SGCZ: variants seen among roughly 807,000 people sequenced by gnomAD.
The protein encoded by SGCZ is zeta-sarcoglycan.
A neutral mutation model predicts 41.3 loss-of-function variants in SGCZ; 40 were observed. The observed-to-expected ratio is 0.97, with a 90% CI of 0.75 to 1.26. The LOEUF (loss-of-function observed/expected upper bound fraction) is 1.26. Among genes scored for constraint, SGCZ ranks in the 50% most tolerant of loss-of-function variants. The pLI, the probability that SGCZ is intolerant of heterozygous loss-of-function variation, is 0.00. For missense variants in SGCZ, 552 were observed against 369.8 expected, an observed-to-expected ratio of 1.49 and a Z score of -4.04; for synonymous variants, 206 against 137.5, an observed-to-expected ratio of 1.50 and a Z score of -3.49.
At chr8:14,508,101 GT>G (rs1209948071) in intron 2 of SGCZ, among the ~76,000 whole-genome samples, 1 of 152,042 alleles carries the variant, frequency 6.6e-6, no homozygotes, top group Non-Finnish European at 1.5e-5. Context: ...ATCTACCCTG[GT>G]CACTGTATTT....
chr8:14,818,414 G>A (rs1312804676), intron 1 of SGCZ, among the ~76,000 whole-genome samples: 4 of 152,152 alleles, frequency 2.6e-5, no homozygotes, highest in Non-Finnish European at 5.9e-5. Flanking sequence ...ACAGAGGCTA[G>A]CCAGAACCAA....
chr8:15,029,941 G>T (rs995034757), intron 1 of SGCZ, among the ~76,000 whole-genome samples: 3 of 152,104 alleles, frequency 2.0e-5, no homozygotes, highest in Admixed American at 1.3e-4. Flanking sequence ...GTGCCTTTTT[G>T]TTCCATTCAC....
chr8:14,451,324 A>T (rs1254317755), intron 2 of SGCZ, among the ~76,000 whole-genome samples: 1 of 152,194 alleles, frequency 6.6e-6, no homozygotes, highest in African/African-American at 2.4e-5. Flanking sequence ...TTAGAATAGA[A>T]AAGATGCAGT....
At chr8:14,287,059 G>C (rs1563235461) in intron 3 of SGCZ, among the ~76,000 whole-genome samples, 2 of 151,794 alleles carry the variant, frequency 1.3e-5, no homozygotes. Flanking sequence ...TTCTCTAATA[G>C]AGTATTTATG....
At chr8:14,427,088 G>A (rs9657206) in intron 2 of SGCZ, among the ~76,000 whole-genome samples, 9 of 117,710 alleles carry the variant, frequency 7.6e-5, no homozygotes, top group African/African-American at 2.8e-4. Context: ...GAATGAATGA[G>A]TGAATGAATG....
At chr8:14,725,253 A>G (rs926920775) in intron 1 of SGCZ, among the ~76,000 whole-genome samples, 10 of 152,184 alleles carry the variant, frequency 6.6e-5, no homozygotes, top group Non-Finnish European at 1.2e-4. Flanking sequence ...ATAGACACTT[A>G]ATTCCCTACT....
intron 1 of SGCZ, among the ~76,000 whole-genome samples, chr8:15,215,714 GC>G (rs1221116446): frequency 2.6e-5 from 4 of 152,260 alleles, no homozygotes; most frequent in African/African-American, 9.6e-5. Context: ...GTCTGACCCT[GC>G]CAAACTGATC....
At chr8:14,566,335 C>T (rs192490606) in intron 1 of SGCZ, among the ~76,000 whole-genome samples, 8 of 152,164 alleles carry the variant, frequency 5.3e-5, no homozygotes, top group Non-Finnish European at 7.4e-5. Context: ...CATTCAATGG[C>T]ACAAACAAGG....
At chr8:14,183,203 G>T (rs551758967) in intron 4 of SGCZ, among the ~76,000 whole-genome samples, 7 of 152,000 alleles carry the variant, frequency 4.6e-5, no homozygotes, top group African/African-American at 1.7e-4. Flanking sequence ...ACAAAATATT[G>T]CCAAATTGAC....
chr8:14,846,808 T>C (rs1015168168), intron 1 of SGCZ, among the ~76,000 whole-genome samples: 12 of 149,996 alleles, frequency 8.0e-5, no homozygotes, highest in Admixed American at 6.7e-4. Flanking sequence ...AGTGGCTCAC[T>C]CCTGTAATCC....
Position 14,537,815 on chromosome 8 carries a change from A to G in SGCZ, c.234+16917T>C, listed in dbSNP as rs139440371. Among the ~76,000 whole-genome samples the G allele has an allele frequency of 3.7e-3, 565 of 152,056 alleles. 3 individuals carry two copies. Among genetic ancestry groups the G allele is most frequent in the African/African-American group, 0.013 (520 of 41,548 alleles). ...ACGCTAAAGAGCTGTTATACTTTCT[A>G]TAGAGAAGATATAAATGTGAAAGTG... On this transcript the variant is annotated intron_variant, in intron 2 of 7. Transcript: ENST00000382080.
intron 1 of SGCZ, among the ~76,000 whole-genome samples, chr8:14,797,293 G>A (rs1464940695): frequency 1.3e-5 from 2 of 152,098 alleles, no homozygotes; most frequent in Non-Finnish European, 2.9e-5. Flanking sequence ...GAATGACTTG[G>A]ACCAAAATGC....
intron 1 of SGCZ, among the ~76,000 whole-genome samples, chr8:15,160,712 A>G (rs934343218): frequency 6.6e-6 from 1 of 152,250 alleles, no homozygotes. Context: ...TAACATGTCT[A>G]AACTAACTTT....
At chr8:14,161,426 G>C (rs1804042645) in intron 5 of SGCZ, 1 of 152,184 alleles carries the variant, frequency 6.6e-6, no homozygotes, top group Admixed American at 6.5e-5. Context: ...GGGTGTGTAA[G>C]TGGTAAATGG....
intron 1 of SGCZ, among the ~76,000 whole-genome samples, chr8:14,963,104 C>G (rs1801015314): frequency 6.6e-6 from 1 of 152,088 alleles, no homozygotes; most frequent in Non-Finnish European, 1.5e-5. Flanking sequence ...TTACTAAAGC[C>G]AAAGCCCAGA....
intron 1 of SGCZ, among the ~76,000 whole-genome samples, chr8:14,647,012 C>T (rs1473002): frequency 0.15 from 23,154 of 151,908 alleles, 2,183 homozygotes; most frequent in Admixed American, 0.23. Flanking sequence ...TCCTCATGGT[C>T]CATAACTTTA....
chr8:14,829,857 G>A (rs1490787423), intron 1 of SGCZ, among the ~76,000 whole-genome samples: 1 of 152,076 alleles, frequency 6.6e-6, no homozygotes, highest in African/African-American at 2.4e-5. Context: ...TGTCGCCCAG[G>A]CTGGAGTGCA....
At chr8:14,217,630 T>G (rs1209372661) in intron 4 of SGCZ, among the ~76,000 whole-genome samples, 1 of 76,258 alleles carries the variant, frequency 1.3e-5, no homozygotes, top group African/African-American at 1.1e-4. Context: ...CAACTAAAGT[T>G]TTTTTTTTTT....
chr8:15,201,207 G>T (rs1475163351), intron 1 of SGCZ, among the ~76,000 whole-genome samples: 1 of 152,084 alleles, frequency 6.6e-6, no homozygotes, highest in Admixed American at 6.5e-5. Context: ...ATTAGAGAGG[G>T]AGTTTCACCA....
Sources: allele counts gnomAD v4.1 joint callset (sites outside exome capture counted in the v4.1 genomes callset), GRCh38; gene constraint gnomAD v4.1.1; transcripts MANE v1.5; gene names NCBI Gene and HGNC (gene_info 2026-07-23, HGNC 2026-07-21).